The following ALDH5A1 variants were observed in gnomAD, a reference collection of about 807,000 sequenced individuals.
ALDH5A1 encodes succinate-semialdehyde dehydrogenase, mitochondrial.
ALDH5A1 carries 33 observed loss-of-function variants against 54.7 expected under a neutral mutation model. That is an observed-to-expected ratio of 0.60 (90% CI 0.46 to 0.81). The LOEUF (loss-of-function observed/expected upper bound fraction) is 0.81. Among genes scored for constraint, ALDH5A1 ranks in the 30% least tolerant of loss-of-function variants. ALDH5A1 has a pLI of 0.00. For missense variants in ALDH5A1, 657 were observed against 711.0 expected, an observed-to-expected ratio of 0.92 and a Z score of 0.86; for synonymous variants, 294 against 292.7, an observed-to-expected ratio of 1.00 and a Z score of -0.05.
At chr6:24,515,530 G>C (rs1024450146) in intron 5 of ALDH5A1, among the ~76,000 whole-genome samples, 4 of 152,116 alleles carry the variant, frequency 2.6e-5, no homozygotes, top group African/African-American at 9.7e-5. Flanking sequence ...TTCGAGACCA[G>C]CCTGGCCAAC....
intron 1 of ALDH5A1, among the ~76,000 whole-genome samples, chr6:24,497,672 T>G (rs764025276): frequency 5.9e-5 from 9 of 152,170 alleles, no homozygotes; most frequent in Non-Finnish European, 8.8e-5. Context: ...GCTGACACAT[T>G]TGCAGAACAG....
intron 4 of ALDH5A1, among the ~76,000 whole-genome samples, chr6:24,506,287 T>G (rs1361860936): frequency 1.7e-5 from 2 of 116,398 alleles, no homozygotes; most frequent in African/African-American, 3.2e-5. Context: ...ACAGTCTCGC[T>G]CTGTCACCCA....
chr6:24,508,361 CAAAAAAAAAAA>C (rs1214819272), intron 4 of ALDH5A1, among the ~76,000 whole-genome samples: 179 of 13,080 alleles, frequency 0.014, 9 homozygotes, highest in African/African-American at 0.041. Flanking sequence ...ACTCCATCTC[CAAAAAAAAAAA>C]AAAAAAAAAA....
Position 24,516,402 on chromosome 6 carries a change from C to T in ALDH5A1, c.870+1092C>T, listed in dbSNP as rs188892529. On this transcript the variant is annotated intron_variant, in intron 5 of 9. Coordinates refer to ENST00000357578, the MANE Select transcript of ALDH5A1 (RefSeq NM_001080.3). Reference sequence around the variant, plus strand: ...AGTGAGGTGAGCCGAGATCACACCACTGCACTCCAGCCTGGGCGACAGAGT... The same window carrying T: ...AGTGAGGTGAGCCGAGATCACACCATTGCACTCCAGCCTGGGCGACAGAGT... 8.2e-4 allele frequency among the ~76,000 whole-genome samples: 111 copies of T among 135,734 alleles called. 1 individual carries two copies. The East Asian group carries it at 0.022, about 27-fold the overall frequency. 89.0% of individuals were successfully genotyped at this position (135,734 alleles called of 152,430 possible).
chr6:24,519,164 C>T (rs1459643169), intron 5 of ALDH5A1, among the ~76,000 whole-genome samples: 3 of 151,770 alleles, frequency 2.0e-5, no homozygotes, highest in Non-Finnish European at 4.4e-5. Flanking sequence ...CGATCCACAG[C>T]GTTTTTTTAA....
Position 24,532,182 on chromosome 6 carries a change from G to A in ALDH5A1, c.1402+5G>A. 1 of 1,613,928 alleles carries A rather than the reference G, an allele frequency of 6.2e-7. No homozygotes were observed. Among genetic ancestry groups the A allele is most frequent in the East Asian group, 2.2e-5 (1 of 44,878 alleles). On this transcript the variant is annotated splice_donor_5th_base_variant and intron_variant, in intron 9 of 9. Transcript: ENST00000357578. ...CAGCTGATGTTGGGTTAGCAGGTAG[G>A]TGTTTGTCCTTGTTCAATACCAGTC...
intron 5 of ALDH5A1, 34 bp downstream of exon 5, chr6:24,515,344 C>G (rs761432733): frequency 2.5e-6 from 4 of 1,607,546 alleles, no homozygotes; most frequent in East Asian, 2.2e-5. Context: ...AAACAAATGT[C>G]TTTCTAATAT....
At chr6:24,497,388 C>G (rs544177992) in intron 1 of ALDH5A1, among the ~76,000 whole-genome samples, 2 of 151,908 alleles carry the variant, frequency 1.3e-5, no homozygotes, top group East Asian at 3.9e-4. Context: ...AATCCTCTTG[C>G]TAGCTACAGA....
chr6:24,495,160 C>T lies in ALDH5A1; in HGVS notation c.164C>T (p.Ser55Phe), dbSNP rs1472036270. 19 of 1,460,440 alleles carry T rather than the reference C, an allele frequency of 1.3e-5. No individual in the cohort carries two copies. The highest frequency in any genetic ancestry group is 1.7e-5 in the Non-Finnish European group (19 of 1,113,494). The allele number at this position is 1,460,440 out of a possible 1,614,324, so 90.5% of individuals were successfully genotyped here. The change falls in exon 1 of 10, where the codon TCT becomes TTT. Residue 55 changes from serine to phenylalanine, a missense_variant. Around this residue, in one of 2 missense-constraint regions of ALDH5A1, gnomAD observed 232 missense variants for 194.6 expected, o/e 1.19. Transcript: ENST00000357578. ...TACGCTGGGCGCCTGGCGGGCCTCT[C>T]TGCGGCGCTGCTGCGCACCGACAGC... The part of the protein sequence containing the change: ...RCYAGRLAGL[S>F]AALLRTDSFV...
intron 7 of ALDH5A1, among the ~76,000 whole-genome samples, chr6:24,524,477 G>A (rs1303077492): frequency 2.0e-5 from 3 of 152,066 alleles, no homozygotes; most frequent in Admixed American, 6.6e-5. Flanking sequence ...CAGCCCCACC[G>A]CTGTTCCTCA....
chr6:24,532,321 G>T lies in ALDH5A1; in HGVS notation c.1402+144G>T, dbSNP rs1759952573. On this transcript the variant is annotated intron_variant, in intron 9 of 9. Transcript: ENST00000357578. ...TTGTTGCTTTCCAAGTGGTGGAATG[G>T]ATTTGGATTTGTGCAAGTATGTGTA... 33 of 834,588 alleles carry T rather than the reference G, an allele frequency of 4.0e-5. 1 individual carries two copies. The South Asian group carries it at 4.6e-4, about 12-fold the overall frequency. The allele number at this position is 834,588 out of a possible 1,614,324, so 51.7% of individuals were successfully genotyped here.
intron 8 of ALDH5A1, among the ~76,000 whole-genome samples, chr6:24,531,828 A>T (rs116757021): frequency 1.3e-5 from 2 of 151,970 alleles, no homozygotes; most frequent in Non-Finnish European, 2.9e-5. Context: ...CTTTTTTTTT[A>T]AAGGGATTTT....
In ALDH5A1 at chr6:24,515,268, G is replaced by C; in HGVS notation, c.828G>C (p.Leu276=). 6.2e-7 allele frequency: 1 copy of C among 1,613,610 alleles called. No individual in the cohort carries two copies. The highest frequency in any genetic ancestry group is 8.5e-7 in the Non-Finnish European group (1 of 1,179,942). Residue 276 remains leucine (L), a synonymous_variant, in exon 5 of 10, where the codon CTG becomes CTC. Transcript: ENST00000357578. The stretch of plus-strand genomic sequence containing the variant: ...GGGAGGCAATTTGTACTGATCCTCT[G>C]GTGTCCAAAATTTCCTTTACTGGTT... The part of the protein sequence containing the change: ...EVGEAICTDP[L]VSKISFTGST...
At chr6:24,501,361 A>C (rs1223861362) in intron 1 of ALDH5A1, among the ~76,000 whole-genome samples, 1 of 152,218 alleles carries the variant, frequency 6.6e-6, no homozygotes, top group African/African-American at 2.4e-5. Context: ...GGTTAAACTG[A>C]ATCAACTTGA....
In ALDH5A1 at chr6:24,534,510, C is replaced by T. The variant is rs1194989235; in HGVS notation, c.*798C>T. 2 of 152,392 alleles carry T rather than the reference C, an allele frequency of 1.3e-5. No individual in the cohort carries two copies. Among genetic ancestry groups the T allele is most frequent in the African/African-American group, 4.8e-5 (2 of 41,456 alleles). The allele number at this position is 152,392 out of a possible 1,614,324, so 9.4% of individuals were successfully genotyped here. On this transcript the variant is annotated 3_prime_UTR_variant, in exon 10 of 10. Transcript: ENST00000357578. Reference sequence around the variant, plus strand: ...ATGGCCTGGCTCCTTCCCTGAGTGGCCTTGTTGCCTTGGGCGTGTGTTCAG... The same window carrying T: ...ATGGCCTGGCTCCTTCCCTGAGTGGTCTTGTTGCCTTGGGCGTGTGTTCAG...
At chr6:24,501,875 T>TTATATA (rs59853869) in intron 1 of ALDH5A1, among the ~76,000 whole-genome samples, 1 of 144,538 alleles carries the variant, frequency 6.9e-6, no homozygotes, top group South Asian at 2.2e-4. Flanking sequence ...AACCAATGTT[T>TTATATA]TATATATATA....
chr6:24,523,962 A>T (rs1169039272), intron 7 of ALDH5A1, among the ~76,000 whole-genome samples: 2 of 151,414 alleles, frequency 1.3e-5, no homozygotes, highest in Non-Finnish European at 2.9e-5. Flanking sequence ...GTTTCTTGTA[A>T]TATCAAACAT....
chr6:24,508,387 AAGATT>A (rs1461411620), intron 4 of ALDH5A1, among the ~76,000 whole-genome samples: 2 of 35,872 alleles, frequency 5.6e-5, no homozygotes, highest in Non-Finnish European at 1.8e-4. Context: ...AAAAAAAAAA[AAGATT>A]AATAGTCTCT....
rs142373741 is a variant in ALDH5A1, at chr6:24,503,433, G to A, written c.609G>A (p.Pro203=). The A allele has an allele frequency of 3.7e-6, 6 of 1,611,746 alleles. No individual in the cohort carries two copies. Among genetic ancestry groups the A allele is most frequent in the Non-Finnish European group, 4.2e-6 (5 of 1,179,864 alleles). The change falls in exon 3 of 10, where the codon CCG becomes CCA. Residue 203 remains proline (P), a splice_region_variant and synonymous_variant. Coordinates refer to ENST00000357578, the MANE Select transcript of ALDH5A1 (RefSeq NM_001080.3). ...TAGGCGTGGCTGCAGTCATCACCCC[G>A]GTAGGTGACAGGATCAGCAAGATCC... is the stretch of plus-strand genomic sequence containing the variant. ...QPIGVAAVIT[P]WNFPSAMITR...
Sources: allele counts gnomAD v4.1 joint callset (sites outside exome capture counted in the v4.1 genomes callset), GRCh38; gene constraint gnomAD v4.1.1; regional missense constraint gnomAD v4.1.1; transcripts MANE v1.5; gene names NCBI Gene and HGNC (gene_info 2026-07-23, HGNC 2026-07-21).